ZCCHC7: variants seen among roughly 807,000 people sequenced by gnomAD.
The protein encoded by ZCCHC7 is zinc finger CCHC domain-containing protein 7.
Under a neutral mutation model 52.0 loss-of-function variants are expected in ZCCHC7, and 35 were observed. The observed-to-expected ratio is 0.67, with a 90% CI of 0.51 to 0.89. The LOEUF is 0.89. Among genes scored for constraint, ZCCHC7 ranks in the 40% least tolerant of loss-of-function variants. The pLI is 0.00. For missense variants in ZCCHC7, 574 were observed against 649.1 expected, an observed-to-expected ratio of 0.88 and a Z score of 1.26; for synonymous variants, 217 against 221.5, an observed-to-expected ratio of 0.98 and a Z score of 0.18.
At chr9:37,351,806 T>A (rs146181281) in intron 7 of ZCCHC7, among the ~76,000 whole-genome samples, 2 of 152,226 alleles carry the variant, frequency 1.3e-5, no homozygotes, top group Non-Finnish European at 2.9e-5. Flanking sequence ...TTAGCATTTA[T>A]GTTTGTTCAA....
intron 5 of ZCCHC7, among the ~76,000 whole-genome samples, chr9:37,321,905 A>C (rs1830068706): frequency 6.6e-6 from 1 of 152,222 alleles, no homozygotes; most frequent in African/African-American, 2.4e-5. Flanking sequence ...TTGCAGACTT[A>C]GTTTACAATT....
intron 2 of ZCCHC7, among the ~76,000 whole-genome samples, chr9:37,185,057 ATGT>A (rs1238232719): frequency 6.6e-6 from 1 of 151,726 alleles, no homozygotes; most frequent in African/African-American, 2.4e-5. Context: ...TTTCCTTAAC[ATGT>A]TGTCCCCTTG....
chr9:37,211,263 G>T (rs530155724), intron 2 of ZCCHC7, among the ~76,000 whole-genome samples: 1 of 152,288 alleles, frequency 6.6e-6, no homozygotes, highest in East Asian at 1.9e-4. Flanking sequence ...CTTGAATTGG[G>T]TCATAATTTT....
intron 3 of ZCCHC7, among the ~76,000 whole-genome samples, chr9:37,303,333 G>A (rs1214902794): frequency 6.6e-6 from 1 of 151,838 alleles, no homozygotes; most frequent in Non-Finnish European, 1.5e-5. Flanking sequence ...GCTGAGGCAG[G>A]AGAATCGCTT....
intron 2 of ZCCHC7, among the ~76,000 whole-genome samples, chr9:37,163,401 AAAAG>A (rs1452964640): frequency 1.3e-4 from 19 of 151,482 alleles, no homozygotes; most frequent in Admixed American, 6.6e-4. Flanking sequence ...AAAAAAAAAA[AAAAG>A]AAAAGAAAAA....
At chr9:37,257,959 C>G (rs555491248) in intron 2 of ZCCHC7, among the ~76,000 whole-genome samples, 1 of 152,094 alleles carries the variant, frequency 6.6e-6, no homozygotes, top group South Asian at 2.1e-4. Flanking sequence ...AGATTAAAAT[C>G]TTATTAGGGC....
chr9:37,305,098 C>G, intron 4 of ZCCHC7, among the ~76,000 whole-genome samples: 1 of 152,322 alleles, frequency 6.6e-6, no homozygotes, highest in Non-Finnish European at 1.5e-5. Flanking sequence ...ATAATTAGCT[C>G]TTAACAAACA....
chr9:37,296,801 C>T (rs1828803004), intron 2 of ZCCHC7, among the ~76,000 whole-genome samples: 1 of 152,168 alleles, frequency 6.6e-6, no homozygotes, highest in Admixed American at 6.5e-5. Context: ...CAGCCTCAAC[C>T]TCCAGGGCTC....
At chr9:37,318,595 T>C (rs1829923369) in intron 5 of ZCCHC7, among the ~76,000 whole-genome samples, 1 of 152,046 alleles carries the variant, frequency 6.6e-6, no homozygotes, top group Non-Finnish European at 1.5e-5. Flanking sequence ...TGTGTGTTTC[T>C]ATATATGTAG....
intron 2 of ZCCHC7, among the ~76,000 whole-genome samples, chr9:37,227,916 C>T (rs567872005): frequency 1.3e-5 from 2 of 152,240 alleles, no homozygotes; most frequent in South Asian, 4.1e-4. Flanking sequence ...GTGCCTCAGC[C>T]TCCTGAGTAT....
At chr9:37,238,291 T>C (rs554429722) in intron 2 of ZCCHC7, among the ~76,000 whole-genome samples, 2 of 152,326 alleles carry the variant, frequency 1.3e-5, no homozygotes, top group Admixed American at 1.3e-4. Context: ...CAAAGAGAAA[T>C]GAAGTAGGAA....
chr9:37,213,108 A>C lies in ZCCHC7; in HGVS notation c.610+86166A>C, dbSNP rs369724448. On this transcript the variant is annotated intron_variant, in intron 2 of 8. Coordinates refer to ENST00000336755, the MANE Select transcript of ZCCHC7 (RefSeq NM_032226.3). ...CAAATACATGTATACTTTTCTGCTGAATTTTTATTTACCAATAAAATTGGT... is the reference window on the plus strand; with the variant it reads ...CAAATACATGTATACTTTTCTGCTGCATTTTTATTTACCAATAAAATTGGT... 5.9e-5 allele frequency among the ~76,000 whole-genome samples: 9 copies of C among 152,210 alleles called. No individual in the cohort carries two copies. The East Asian group carries it at 7.7e-4, about 13-fold the overall frequency.
chr9:37,228,897 G>A (rs796088266), intron 2 of ZCCHC7, among the ~76,000 whole-genome samples: 2 of 147,086 alleles, frequency 1.4e-5, no homozygotes, highest in African/African-American at 2.5e-5. Flanking sequence ...GTGCAGTGGC[G>A]CAATCTCAGC....
At chr9:37,305,464 TATG>T in intron 4 of ZCCHC7, 77 bp from the exon 5 acceptor site, 2 of 1,518,978 alleles carry the variant, frequency 1.3e-6, no homozygotes, top group Non-Finnish European at 1.8e-6. Context: ...AAGATTTTTT[TATG>T]GGATTATATT....
intron 2 of ZCCHC7, among the ~76,000 whole-genome samples, chr9:37,265,300 C>A (rs1160242030): frequency 6.6e-6 from 1 of 152,134 alleles, no homozygotes; most frequent in Non-Finnish European, 1.5e-5. Context: ...AAATACCTTA[C>A]AGGATGAAAG....
intron 2 of ZCCHC7, 130 bp from the exon 3 acceptor site, chr9:37,302,058 T>A: frequency 1.4e-6 from 1 of 720,694 alleles, no homozygotes; most frequent in South Asian, 1.7e-5. Context: ...AAATAGGAAT[T>A]TCAGGTATTC....
chr9:37,212,070 A>AAAAAAAAAT (rs1824267161), intron 2 of ZCCHC7, among the ~76,000 whole-genome samples: 3 of 138,638 alleles, frequency 2.2e-5, no homozygotes, highest in Admixed American at 7.2e-5. Flanking sequence ...AAAAAAGAAA[A>AAAAAAAAAT]TCTTTGGCAA....
At chr9:37,161,804 A>G (rs370168543) in intron 2 of ZCCHC7, among the ~76,000 whole-genome samples, 12 of 152,316 alleles carry the variant, frequency 7.9e-5, no homozygotes, top group East Asian at 7.7e-4. Flanking sequence ...ATGCCCATCA[A>G]GAGCTAGCAG....
At chr9:37,167,882 G>T (rs1255940773) in intron 2 of ZCCHC7, among the ~76,000 whole-genome samples, 1 of 152,148 alleles carries the variant, frequency 6.6e-6, no homozygotes, top group Non-Finnish European at 1.5e-5. Context: ...CTGTGTGAAT[G>T]CCTGGTACTA....
Sources: allele counts gnomAD v4.1 joint callset (sites outside exome capture counted in the v4.1 genomes callset), GRCh38; gene constraint gnomAD v4.1.1; transcripts MANE v1.5; gene names NCBI Gene and HGNC (gene_info 2026-07-23, HGNC 2026-07-21).